SLC35F3: variants seen among roughly 807,000 people sequenced by gnomAD.
The protein encoded by SLC35F3 is solute carrier family 35 member F3, also known as putative thiamine transporter SLC35F3.
A neutral mutation model predicts 49.9 loss-of-function variants in SLC35F3; 25 were observed. The observed-to-expected ratio is 0.50, with a 90% confidence interval of 0.37 to 0.70. The LOEUF (loss-of-function observed/expected upper bound fraction) is 0.70, where lower values mean the gene tolerates loss of function less well. SLC35F3 is among the 30% of genes least tolerant of loss of function. The pLI is 0.00. For missense variants in SLC35F3, 525 were observed against 639.8 expected, an observed-to-expected ratio of 0.82 and a Z score of 1.94; for synonymous variants, 275 against 265.4, an observed-to-expected ratio of 1.04 and a Z score of -0.35.
intron 2 of SLC35F3, among the ~76,000 whole-genome samples, chr1:233,973,539 A>C (rs551131506): frequency 1.3e-5 from 2 of 152,232 alleles, no homozygotes; most frequent in East Asian, 1.9e-4. Flanking sequence ...GGAGGAATTG[A>C]GGATGCAGAG....
At chr1:234,055,026 T>C (rs4920212) in intron 2 of SLC35F3, among the ~76,000 whole-genome samples, 116,584 of 152,040 alleles carry the variant, frequency 0.77, 45,568 homozygotes, top group African/African-American at 0.92. Context: ...AGAGGGGCAC[T>C]CGGCCGTATG....
At chr1:234,054,153 C>T (rs1031732674) in intron 2 of SLC35F3, among the ~76,000 whole-genome samples, 5 of 152,118 alleles carry the variant, frequency 3.3e-5, no homozygotes, top group Non-Finnish European at 5.9e-5. Flanking sequence ...ATCTTTGTGG[C>T]ATTCTCTGTA....
intron 2 of SLC35F3, among the ~76,000 whole-genome samples, chr1:234,136,738 G>A (rs1665818149): frequency 6.6e-6 from 1 of 152,202 alleles, no homozygotes. Context: ...CCCGATTTGA[G>A]TCTGAGGTTC....
chr1:234,158,798 G>A (rs558727090), intron 2 of SLC35F3, among the ~76,000 whole-genome samples: 53 of 152,234 alleles, frequency 3.5e-4, no homozygotes, highest in African/African-American at 1.3e-3. Context: ...ATTACCTGTG[G>A]TGGACAAAAG....
chr1:234,127,601 G>C (rs1665667656), intron 2 of SLC35F3, among the ~76,000 whole-genome samples: 1 of 152,112 alleles, frequency 6.6e-6, no homozygotes, highest in Non-Finnish European at 1.5e-5. Context: ...AACAAGGAGT[G>C]TTTTTTTAAT....
chr1:233,965,043 T>C (rs1403411261), intron 2 of SLC35F3, among the ~76,000 whole-genome samples: 1 of 152,214 alleles, frequency 6.6e-6, no homozygotes, highest in Non-Finnish European at 1.5e-5. Flanking sequence ...ATTAGGGGCC[T>C]GGAGAAAGAA....
chr1:233,931,351 A>G (rs2102793617), intron 2 of SLC35F3, among the ~76,000 whole-genome samples: 1 of 152,362 alleles, frequency 6.6e-6, no homozygotes, highest in East Asian at 1.9e-4. Context: ...TGAACAGGCA[A>G]CCTACAGAAT....
intron 2 of SLC35F3, among the ~76,000 whole-genome samples, chr1:234,216,736 C>G (rs774804778): frequency 2.6e-5 from 4 of 152,174 alleles, no homozygotes; most frequent in Non-Finnish European, 4.4e-5. Flanking sequence ...GTGTAAATCA[C>G]GAACACAGCC....
intron 2 of SLC35F3, among the ~76,000 whole-genome samples, chr1:233,997,186 C>G (rs1450177871): frequency 6.6e-6 from 1 of 152,150 alleles, no homozygotes; most frequent in Non-Finnish European, 1.5e-5. Context: ...CACATCCTGG[C>G]TCTTCTGAAT....
rs772412902 is a variant in SLC35F3, at chr1:234,231,586, C to T, written c.453C>T (p.Gly151=). ...TGTGCGTGTGCTCCTCGTGGGCGGG[C>T]TCCACGCAGCTCGCCAAGCTGACCT... ...VVLCVCSSWA[G]STQLAKLTFR... The change falls in exon 3 of 8, where the codon GGC becomes GGT. Residue 151 remains glycine (G), a synonymous_variant. Coordinates refer to ENST00000366618, the MANE Select transcript of SLC35F3 (RefSeq NM_173508.4). This position sits in a 1 kb window ranked among gnomAD's most constrained non-coding sequence, Gnocchi z 5.4. The T allele has an allele frequency of 5.0e-6, 8 of 1,614,080 alleles. No homozygotes were observed. The highest frequency in any genetic ancestry group is 5.9e-6 in the Non-Finnish European group (7 of 1,180,040).
rs1307380975 is a variant in SLC35F3, at chr1:234,170,709, G to C, written c.284-60708G>C. Reference sequence around the variant, plus strand: ...GAGGCCAGAGCTGAAAACAAGATTTGGTCCTCAAACAGCAGAAGAGGTGAC... The same window carrying C: ...GAGGCCAGAGCTGAAAACAAGATTTCGTCCTCAAACAGCAGAAGAGGTGAC... On this transcript the variant is annotated intron_variant, in intron 2 of 7. Coordinates refer to ENST00000366618, the MANE Select transcript of SLC35F3 (RefSeq NM_173508.4). 3.3e-5 allele frequency among the ~76,000 whole-genome samples: 5 copies of C among 152,072 alleles called. No homozygotes were observed. The East Asian group carries it at 9.7e-4, about 29-fold the overall frequency.
At chr1:234,210,937 G>A (rs958735907) in intron 2 of SLC35F3, among the ~76,000 whole-genome samples, 6 of 152,214 alleles carry the variant, frequency 3.9e-5, no homozygotes, top group Non-Finnish European at 5.9e-5. Flanking sequence ...TCACAGGCCC[G>A]GAAGCCTAGG....
intron 2 of SLC35F3, among the ~76,000 whole-genome samples, chr1:234,058,648 G>A (rs76686381): frequency 0.031 from 4,756 of 152,052 alleles, 227 homozygotes; most frequent in African/African-American, 0.11. Context: ...CCCAGTCCCT[G>A]GATTTTGTTT....
intron 2 of SLC35F3, among the ~76,000 whole-genome samples, chr1:234,096,900 T>C (rs1665133461): frequency 6.6e-6 from 1 of 151,546 alleles, no homozygotes; most frequent in Non-Finnish European, 1.5e-5. Flanking sequence ...TTTTTTTTTT[T>C]TTTCTTGAGA....
intron 2 of SLC35F3, among the ~76,000 whole-genome samples, chr1:234,132,614 T>G (rs956767878): frequency 6.6e-6 from 1 of 152,240 alleles, no homozygotes; most frequent in Non-Finnish European, 1.5e-5. Flanking sequence ...TATATAAAAC[T>G]TTTTCATATT....
chr1:234,252,349 C>T (rs766587407), intron 3 of SLC35F3, among the ~76,000 whole-genome samples: 7 of 152,100 alleles, frequency 4.6e-5, no homozygotes, highest in Admixed American at 3.3e-4. Context: ...GGATTATAGG[C>T]GTGAGCTACC....
intron 2 of SLC35F3, among the ~76,000 whole-genome samples, chr1:234,069,457 G>T (rs920178742): frequency 6.6e-6 from 1 of 151,808 alleles, no homozygotes; most frequent in Non-Finnish European, 1.5e-5. Context: ...GAGTTTCACC[G>T]TGTTAGCCAG....
At chr1:234,189,796 A>C (rs1666705423) in intron 2 of SLC35F3, among the ~76,000 whole-genome samples, 1 of 152,222 alleles carries the variant, frequency 6.6e-6, no homozygotes, top group African/African-American at 2.4e-5. Context: ...GACAAAGGAA[A>C]GAATCGTAAG....
At chr1:233,951,724 G>A (rs892203383) in intron 2 of SLC35F3, among the ~76,000 whole-genome samples, 1 of 151,828 alleles carries the variant, frequency 6.6e-6, no homozygotes, top group African/African-American at 2.4e-5. Context: ...TTCTTTTTGT[G>A]TGTGTGTGTG....
Sources: gnomAD v4.1 joint callset for allele counts (sites outside exome capture counted in the v4.1 genomes callset) on GRCh38, gnomAD v4.1.1 for gene constraint, Gnocchi (gnomAD v3.1) non-coding constraint, MANE v1.5 for transcripts, NCBI Gene and HGNC (gene_info 2026-07-23, HGNC 2026-07-21) for gene names.